The following GABRG3 variants were observed in gnomAD, a reference collection of about 807,000 sequenced individuals.
The protein encoded by GABRG3 is gamma-aminobutyric acid type A receptor subunit gamma3, also known as gamma-aminobutyric acid receptor subunit gamma-3.
In GABRG3, 25 loss-of-function variants were observed where a neutral mutation model predicts 48.8. The ratio of observed to expected loss-of-function variants is 0.51; its 90% CI spans 0.37 to 0.72. GABRG3 has a LOEUF of 0.72. Ranked by LOEUF, GABRG3 falls within the 30% of genes least tolerant of loss-of-function variation. GABRG3 has a pLI of 0.00. For synonymous variants in GABRG3, 227 were observed against 217.6 expected (o/e 1.04, Z -0.38); for missense variants, 394 against 577.9 (o/e 0.68, Z 3.26).
chr15:27,133,121 TC>T (rs1294944717), intron 3 of GABRG3, among the ~76,000 whole-genome samples: 1 of 152,174 alleles, frequency 6.6e-6, no homozygotes, highest in Non-Finnish European at 1.5e-5. Context: ...TAAGTTTTTT[TC>T]TGCTTTAGAT....
rs1477027789 is a variant in GABRG3 at position 27,307,232 on chromosome 15, TTA to T, written c.271-19573_271-19572del. 5.5e-5 allele frequency among the ~76,000 whole-genome samples: 7 copies of T among 127,064 alleles called. 1 individual carries two copies. The highest frequency in any genetic ancestry group is 2.5e-4 in the South Asian group (1 of 4,010). 83.4% of individuals were successfully genotyped at this position (127,064 alleles called of 152,430 possible). A position where few individuals can be genotyped will look rare whatever the true frequency, so the allele number is the denominator to read the frequency against. On this transcript the variant is annotated intron_variant, in intron 3 of 9. Transcript: ENST00000615808. ...ATGTTTATATATAACCATGTTTATATTATATGTTTATATATAACCATGTTCAT... is the reference window on the plus strand; with the variant it reads ...ATGTTTATATATAACCATGTTTATATTATGTTTATATATAACCATGTTCAT...
chr15:27,353,643 C>T (rs943534671), intron 5 of GABRG3, among the ~76,000 whole-genome samples: 4 of 151,828 alleles, frequency 2.6e-5, no homozygotes, highest in African/African-American at 9.7e-5. Context: ...AGGGTTTTGC[C>T]GTGTTGGCCA....
intron 3 of GABRG3, among the ~76,000 whole-genome samples, chr15:27,264,141 A>G (rs991061719): frequency 6.6e-6 from 1 of 152,096 alleles, no homozygotes; most frequent in Non-Finnish European, 1.5e-5. Context: ...AGAAGCCAGA[A>G]GAAACAGACA....
Position 27,490,272 on chromosome 15 carries a change from A to G in GABRG3, c.712+9485A>G, listed in dbSNP as rs527271654. Among the ~76,000 whole-genome samples, 12 of 152,202 alleles carry G rather than the reference A, an allele frequency of 7.9e-5. No homozygotes were observed. In the South Asian group the frequency reaches 8.3e-4, roughly 11 times the overall value. On this transcript the variant is annotated intron_variant, in intron 6 of 9. Coordinates refer to ENST00000615808, the MANE Select transcript of GABRG3 (RefSeq NM_033223.5). Reference sequence around the variant, plus strand: ...GCTTACCACAAATTCGTTTTCTATGAAAGTACTGAGTGCTTTCAGCAGGAT... The same window carrying G: ...GCTTACCACAAATTCGTTTTCTATGGAAGTACTGAGTGCTTTCAGCAGGAT...
intron 5 of GABRG3, among the ~76,000 whole-genome samples, chr15:27,442,203 C>G (rs1250239480): frequency 6.6e-6 from 1 of 152,134 alleles, no homozygotes; most frequent in African/African-American, 2.4e-5. Context: ...CCAAGCCGGG[C>G]TCTTGGTCTC....
In GABRG3 at chr15:27,480,764, C is replaced by A; in HGVS notation, c.689C>A (p.Thr230Lys). 6.2e-7 allele frequency: 1 copy of A among 1,613,796 alleles called. No homozygotes were observed. The highest frequency in any genetic ancestry group is 8.5e-7 in the Non-Finnish European group (1 of 1,179,816). The change falls in exon 6 of 10, where the codon ACA becomes AAA. Residue 230 changes from threonine (T) to lysine (K), a missense_variant. Physicochemically the swap from Thr to Lys is moderately conservative, Grantham distance 78. Transcript: ENST00000615808. ...QFDFMGLRNTTEIVTTSAGDY... is the reference protein window; with the variant it reads ...QFDFMGLRNTKEIVTTSAGDY... ...GACTTCATGGGCCTCAGAAACACCA[C>A]AGAAATCGTGACAACGTCTGCAGGT...
chr15:27,467,517 G>A (rs951760393), intron 5 of GABRG3, among the ~76,000 whole-genome samples: 4 of 152,244 alleles, frequency 2.6e-5, no homozygotes, highest in Non-Finnish European at 5.9e-5. Flanking sequence ...CAGCTTGTGA[G>A]TACAGGACAG....
chr15:27,389,701 C>T (rs562172947), intron 5 of GABRG3, among the ~76,000 whole-genome samples: 2 of 152,272 alleles, frequency 1.3e-5, no homozygotes, highest in African/African-American at 4.8e-5. Context: ...ACTCAGAGCA[C>T]GTAATTCAAA....
intron 5 of GABRG3, among the ~76,000 whole-genome samples, chr15:27,360,269 C>T (rs1013870875): frequency 6.6e-6 from 1 of 152,158 alleles, no homozygotes; most frequent in African/African-American, 2.4e-5. Flanking sequence ...GGTGGCCCCA[C>T]TCTGCCTGAG....
At position 27,501,557 on chromosome 15, in the gene GABRG3, A is replaced by G. The variant is rs540445649; in HGVS notation, c.713-18415A>G. Among the ~76,000 whole-genome samples the G allele has an allele frequency of 2.6e-5, 4 of 152,246 alleles. No individual in the cohort carries two copies. In the East Asian group the frequency reaches 5.8e-4, roughly 22 times the overall value. On this transcript the variant is annotated intron_variant, in intron 6 of 9. Coordinates refer to ENST00000615808, the MANE Select transcript of GABRG3 (RefSeq NM_033223.5). The stretch of plus-strand genomic sequence containing the variant: ...CAGTCTCCTGCAATCTACTGCATTT[A>G]AGTCAGGTCTCCTAACTGACAGCTC...
chr15:27,017,800 G>A (rs1478330613), intron 2 of GABRG3, among the ~76,000 whole-genome samples: 1 of 152,176 alleles, frequency 6.6e-6, no homozygotes, highest in Non-Finnish European at 1.5e-5. Flanking sequence ...TCTGTATCGT[G>A]TGGTTAAGTC....
At chr15:27,055,051 G>A (rs1026340299) in intron 3 of GABRG3, among the ~76,000 whole-genome samples, 8 of 141,894 alleles carry the variant, frequency 5.6e-5, no homozygotes, top group African/African-American at 7.9e-5. Context: ...GCTAATAATA[G>A]TCTTTACATT....
intron 5 of GABRG3, among the ~76,000 whole-genome samples, chr15:27,370,998 G>A (rs2140555853): frequency 6.6e-6 from 1 of 152,304 alleles, no homozygotes; most frequent in South Asian, 2.1e-4. Context: ...AAACAGACAT[G>A]CAAACGTGGT....
intron 5 of GABRG3, among the ~76,000 whole-genome samples, chr15:27,397,634 G>T (rs768075304): frequency 2.6e-5 from 4 of 151,904 alleles, no homozygotes; most frequent in Non-Finnish European, 4.4e-5. Flanking sequence ...TCTATGGTTT[G>T]TCCCTCACCA....
intron 3 of GABRG3, among the ~76,000 whole-genome samples, chr15:27,221,675 C>G (rs1889458880): frequency 1.3e-5 from 2 of 152,076 alleles, no homozygotes; most frequent in Admixed American, 1.3e-4. Context: ...TTGTTACAAC[C>G]AAGTAGCTGT....
At chr15:27,042,849 C>A (rs1336901539) in intron 3 of GABRG3, among the ~76,000 whole-genome samples, 1 of 152,190 alleles carries the variant, frequency 6.6e-6, no homozygotes, top group Non-Finnish European at 1.5e-5. Flanking sequence ...CTTAGCAGGG[C>A]CAGGGCCTCC....
intron 3 of GABRG3, among the ~76,000 whole-genome samples, chr15:27,254,969 C>T (rs545525378): frequency 1.3e-5 from 2 of 152,230 alleles, no homozygotes; most frequent in South Asian, 2.1e-4. Context: ...CAACCACAGC[C>T]GGCCCTGATA....
chr15:27,256,728 T>C (rs749340945), intron 3 of GABRG3, among the ~76,000 whole-genome samples: 1 of 152,186 alleles, frequency 6.6e-6, no homozygotes. Flanking sequence ...GTTACCTCAG[T>C]GCTCTAAGAT....
chr15:26,987,634 A>G (rs1472065541), intron 2 of GABRG3, among the ~76,000 whole-genome samples: 2 of 152,160 alleles, frequency 1.3e-5, no homozygotes, highest in Non-Finnish European at 2.9e-5. Flanking sequence ...TCAGAGCCCA[A>G]CCTCAAGAAT....
Sources: allele counts gnomAD v4.1 joint callset (sites outside exome capture counted in the v4.1 genomes callset), GRCh38; gene constraint gnomAD v4.1.1; transcripts MANE v1.5; gene names NCBI Gene and HGNC (gene_info 2026-07-23, HGNC 2026-07-21).